Variants in RPL18 observed in about 807,000 individuals in gnomAD.
The protein encoded by RPL18 is large ribosomal subunit protein eL18.
In RPL18, 4 loss-of-function variants were observed where a neutral mutation model predicts 25.0. The ratio of observed to expected loss-of-function variants is 0.16; its 90% CI spans 0.08 to 0.37. The LOEUF (loss-of-function observed/expected upper bound fraction) is 0.37, where lower values mean the gene tolerates loss of function less well. Ranked by LOEUF, RPL18 falls within the 10% of genes least tolerant of loss-of-function variation. The probability of loss-of-function intolerance (pLI) is 1.00; values close to 1 mark genes in which losing one functional copy is unlikely to be tolerated. For missense variants in RPL18, 179 were observed against 267.9 expected (o/e 0.67, Z 2.32); for synonymous variants, 129 against 101.6 (o/e 1.27, Z -1.62).
At chr19:48,616,235 C>A in intron 4 of RPL18, 33 bp from the exon 5 acceptor site, 15 of 1,609,950 alleles carry the variant, frequency 9.3e-6, no homozygotes, top group Non-Finnish European at 1.3e-5. Context: ...CGGGTCAGAC[C>A]CCTGCGTGGT....
chr19:48,617,615 G>T (rs998197571), intron 2 of RPL18, 176 bp downstream of exon 2: 3 of 684,364 alleles, frequency 4.4e-6, no homozygotes, highest in Non-Finnish European at 7.5e-6. Context: ...CTCCACTCCC[G>T]AGCTGTACAC....
intron 6 of RPL18, 147 bp from the exon 7 acceptor site, chr19:48,615,594 A>G (rs1974143095): frequency 1.4e-6 from 1 of 732,530 alleles, no homozygotes; most frequent in African/African-American, 1.8e-5. Flanking sequence ...CCAAGGAGCC[A>G]GGAGGGGCTA....
At chr19:48,616,437 T>C (rs934668638) in intron 4 of RPL18, 1 of 636,368 alleles carries the variant, frequency 1.6e-6, no homozygotes. Context: ...AAAAAAGACC[T>C]GTGCAGAGGT....
chr19:48,618,812 G>A (rs907047818), intron 1 of RPL18: 12 of 414,002 alleles, frequency 2.9e-5, no homozygotes, highest in South Asian at 6.6e-5. Flanking sequence ...AAAGTGACAG[G>A]TCCAGATAAA....
rs772732417 is a variant in RPL18 at position 48,616,092 on chromosome 19, A to G, written c.408T>C (p.Thr136=). The change falls in exon 5 of 7, where the codon ACT becomes ACC. Residue 136 remains threonine, a synonymous_variant. Transcript: ENST00000549920. ...CGTATCACTCACCGGAGAGCAGGAC[A>G]GTGCCACAGCCCTTAGGGGAGTCCA... ...LALDSPKGCG[T]VLLSGPRKGR... is the part of the protein sequence containing the mutation. 1.9e-6 allele frequency: 3 copies of G among 1,614,186 alleles called. No homozygotes were observed. Among genetic ancestry groups the G allele is most frequent in the African/African-American group, 2.7e-5 (2 of 75,072 alleles).
chr19:48,616,159 A>C lies in RPL18; in HGVS notation c.341T>G (p.Leu114Arg). 2 of 1,614,100 alleles carry C rather than the reference A, an allele frequency of 1.2e-6. No individual in the cohort carries two copies. Among genetic ancestry groups the C allele is most frequent in the Non-Finnish European group, 1.7e-6 (2 of 1,180,016 alleles). Reference protein sequence around the residue: ...RVTSRARSRILRAGGKILTFD... With the variant: ...RVTSRARSRIRRAGGKILTFD... ...AGTGAGGATCTTGCCCCCTGCCCTG[A>C]GGATGCGGCTGCGGGCCCGGCTGGT... Residue 114 changes from leucine to arginine, a missense_variant, in exon 5 of 7, where the codon CTC becomes CGC. Coordinates refer to ENST00000549920, the MANE Select transcript of RPL18 (RefSeq NM_000979.4).
chr19:48,615,827 C>T (rs1316211436), intron 6 of RPL18, 50 bp downstream of exon 6: 2 of 1,521,672 alleles, frequency 1.3e-6, no homozygotes, highest in Non-Finnish European at 1.8e-6. Context: ...CAGGCCTGGC[C>T]CTGCAGGCTG....
rs1314674842 is a variant in RPL18, at chr19:48,615,868, G to A, written c.491+9C>T. On this transcript the variant is annotated intron_variant, in intron 6 of 6. Transcript: ENST00000549920. ...GGGGAGAGGGCAGGGCTGGGGGCCT[G>A]ATACTCACTTGGTGTGGCTGTGCGG... The A allele has an allele frequency of 1.2e-6, 2 of 1,606,208 alleles. No individual in the cohort carries two copies. The highest frequency in any genetic ancestry group is 1.7e-6 in the Non-Finnish European group (2 of 1,176,458).
At chr19:48,617,535 C>G in intron 2 of RPL18, 112 bp from the exon 3 acceptor site, 7 of 864,208 alleles carry the variant, frequency 8.1e-6, no homozygotes, top group Non-Finnish European at 1.3e-5. Flanking sequence ...ATCCCTTTCC[C>G]CCAACCCACC....
At chr19:48,616,894 C>A (rs1974192909) in intron 3 of RPL18, 70 bp from the exon 4 acceptor site, 1 of 1,159,308 alleles carries the variant, frequency 8.6e-7, no homozygotes, top group Non-Finnish European at 1.3e-6. Flanking sequence ...GAGGCATCCC[C>A]AGGCCAGGGC....
chr19:48,616,595 G>A, intron 4 of RPL18, 131 bp downstream of exon 4: 1 of 783,802 alleles, frequency 1.3e-6, no homozygotes, highest in Non-Finnish European at 2.3e-6. Context: ...AAGCCACTCA[G>A]ACAGGCAGGA....
chr19:48,615,995 C>T (rs758096012), intron 5 of RPL18, 49 bp from the exon 6 acceptor site: 1 of 1,613,334 alleles, frequency 6.2e-7, no homozygotes, highest in African/African-American at 1.3e-5. Flanking sequence ...TGGCGCCCAG[C>T]TTCTGGCCTC....
chr19:48,615,728 G>A, intron 6 of RPL18, 149 bp downstream of exon 6: 1 of 738,184 alleles, frequency 1.4e-6, no homozygotes, highest in East Asian at 2.7e-5. Context: ...AGTGTTGAAG[G>A]GAAAAGCAGG....
chr19:48,619,097 T>C, intron 1 of RPL18, 44 bp downstream of exon 1: 2 of 1,507,502 alleles, frequency 1.3e-6, no homozygotes, highest in Non-Finnish European at 1.8e-6. Flanking sequence ...CCACGGCGGA[T>C]GGCAGCGGAT....
chr19:48,616,997 A>G (rs1974196219), intron 3 of RPL18, 173 bp from the exon 4 acceptor site: 1 of 688,860 alleles, frequency 1.5e-6, no homozygotes. Context: ...GCTCCAGATA[A>G]AAAAAAAAAT....
intron 1 of RPL18, 62 bp downstream of exon 1, chr19:48,619,078 AG>A: frequency 6.4e-7 from 1 of 1,561,792 alleles, no homozygotes; most frequent in African/African-American, 1.3e-5. Context: ...GCGTGCCCCT[AG>A]CCCAAAACCA....
chr19:48,618,014 G>A (rs1974235350), intron 1 of RPL18, 137 bp from the exon 2 acceptor site: 2 of 646,566 alleles, frequency 3.1e-6, no homozygotes, highest in Non-Finnish European at 5.5e-6. Flanking sequence ...ACCACCAGGA[G>A]ACCTGTGGGC....
chr19:48,615,868 G>C lies in RPL18; in HGVS notation c.491+9C>G, dbSNP rs1314674842. 3 of 1,606,208 alleles carry C rather than the reference G, an allele frequency of 1.9e-6. No homozygotes were observed. The highest frequency in any genetic ancestry group is 2.6e-6 in the Non-Finnish European group (3 of 1,176,458). ...GGGGAGAGGGCAGGGCTGGGGGCCT[G>C]ATACTCACTTGGTGTGGCTGTGCGG... is the stretch of plus-strand genomic sequence containing the variant. On this transcript the variant is annotated intron_variant, in intron 6 of 6. Transcript: ENST00000549920.
chr19:48,616,502 A>C (rs1466520481), intron 4 of RPL18: 1 of 699,230 alleles, frequency 1.4e-6, no homozygotes. Flanking sequence ...GCCAGCACTA[A>C]CAGTTTACAA....
Sources: gnomAD v4.1 joint callset for allele counts on GRCh38, gnomAD v4.1.1 for gene constraint, MANE v1.5 for transcripts, NCBI Gene and HGNC (gene_info 2026-07-23, HGNC 2026-07-21) for gene names.